The following ZNF704 variants were observed in gnomAD, a reference collection of about 807,000 sequenced individuals.
ZNF704 encodes the protein zinc finger protein 704.
Under a neutral mutation model 44.7 loss-of-function variants are expected in ZNF704, and 10 were observed. The ratio of observed to expected loss-of-function variants is 0.22; its 90% CI spans 0.14 to 0.38. The LOEUF (loss-of-function observed/expected upper bound fraction) is 0.38, where lower values mean the gene tolerates loss of function less well. Among genes scored for constraint, ZNF704 ranks in the 10% least tolerant of loss-of-function variants. The pLI, the probability that ZNF704 is intolerant of heterozygous loss-of-function variation, is 1.00. For synonymous variants in ZNF704, 211 were observed against 207.6 expected, an observed-to-expected ratio of 1.02 and a Z score of -0.14; for missense variants, 390 against 545.5, an observed-to-expected ratio of 0.71 and a Z score of 2.84.
At chr8:80,817,780 G>A (rs1808201079) in intron 2 of ZNF704, among the ~76,000 whole-genome samples, 1 of 152,070 alleles carries the variant, frequency 6.6e-6, no homozygotes, top group African/African-American at 2.4e-5. Flanking sequence ...AAAAAATTGG[G>A]CTTTTAAATA....
At chr8:80,743,410 C>T (rs553829973) in intron 2 of ZNF704, among the ~76,000 whole-genome samples, 3 of 151,866 alleles carry the variant, frequency 2.0e-5, no homozygotes, top group African/African-American at 4.8e-5. Context: ...CCACATGTAA[C>T]GATAAATAAA....
intron 2 of ZNF704, among the ~76,000 whole-genome samples, chr8:80,710,428 A>C (rs989866147): frequency 2.6e-5 from 4 of 152,142 alleles, no homozygotes; most frequent in African/African-American, 9.7e-5. Context: ...AAGTGAAGTA[A>C]GTGGTGGGGT....
intron 2 of ZNF704, among the ~76,000 whole-genome samples, chr8:80,727,294 G>A (rs1429323017): frequency 6.6e-6 from 1 of 152,114 alleles, no homozygotes; most frequent in Non-Finnish European, 1.5e-5. Context: ...ACCCAGCATC[G>A]GTTCAGTCAT....
At chr8:80,659,228 A>G (rs762201157) in intron 7 of ZNF704, among the ~76,000 whole-genome samples, 5 of 152,238 alleles carry the variant, frequency 3.3e-5, no homozygotes, top group Non-Finnish European at 7.3e-5. Flanking sequence ...TAAATTTTAT[A>G]GTTACTTATA....
intron 2 of ZNF704, among the ~76,000 whole-genome samples, chr8:80,787,622 CTTTTTT>C (rs747427722): frequency 5.3e-5 from 8 of 151,994 alleles, no homozygotes; most frequent in Non-Finnish European, 7.4e-5. Context: ...TTCTAGTTTT[CTTTTTT>C]AACAGTGAGG....
At chr8:80,705,600 T>TTG (rs560580852) in intron 2 of ZNF704, among the ~76,000 whole-genome samples, 6,910 of 150,926 alleles carry the variant, frequency 0.046, 531 homozygotes, top group African/African-American at 0.16. Flanking sequence ...GTGTATGCAT[T>TTG]TGTGTGTGTG....
At chr8:80,779,036 T>G (rs1411461244) in intron 2 of ZNF704, among the ~76,000 whole-genome samples, 1 of 152,142 alleles carries the variant, frequency 6.6e-6, no homozygotes, top group African/African-American at 2.4e-5. Context: ...GGATCACCCA[T>G]TACATTAGTT....
intron 2 of ZNF704, among the ~76,000 whole-genome samples, chr8:80,783,802 T>C (rs1250969681): frequency 1.3e-5 from 2 of 151,958 alleles, no homozygotes; most frequent in Non-Finnish European, 2.9e-5. Context: ...CTTCTAAGGG[T>C]TAATGACAGG....
At chr8:80,707,470 A>G (rs192085259) in intron 2 of ZNF704, among the ~76,000 whole-genome samples, 2 of 152,152 alleles carry the variant, frequency 1.3e-5, no homozygotes, top group Non-Finnish European at 1.5e-5. Flanking sequence ...GTATTCTTAT[A>G]ATATATCTAA....
intron 2 of ZNF704, among the ~76,000 whole-genome samples, chr8:80,790,442 GGTGT>G: frequency 6.6e-6 from 1 of 152,144 alleles, no homozygotes; most frequent in African/African-American, 2.4e-5. Context: ...GAGTGCAGAT[GGTGT>G]GTTAGAAAGG....
intron 1 of ZNF704, among the ~76,000 whole-genome samples, chr8:80,823,179 A>C (rs1808308592): frequency 2.0e-5 from 3 of 152,182 alleles, no homozygotes; most frequent in African/African-American, 2.4e-5. Flanking sequence ...AGCCAAGGGA[A>C]GCCGTGACAG....
chr8:80,801,234 C>T (rs1377695173), intron 2 of ZNF704, among the ~76,000 whole-genome samples: 1 of 152,102 alleles, frequency 6.6e-6, no homozygotes, highest in Non-Finnish European at 1.5e-5. Flanking sequence ...ACTTTAACAC[C>T]CCACTGACAA....
chr8:80,774,410 T>C (rs1344874056), intron 2 of ZNF704, among the ~76,000 whole-genome samples: 1 of 152,124 alleles, frequency 6.6e-6, no homozygotes, highest in Non-Finnish European at 1.5e-5. Context: ...GCCATGCCTC[T>C]GGCAAAGGAA....
rs1260953219 is a variant in ZNF704, at chr8:80,874,530, C to G, written c.-22+41G>C. 1 of 151,984 alleles carries G rather than the reference C, an allele frequency of 6.6e-6. No homozygotes were observed. Among genetic ancestry groups the G allele is most frequent in the Admixed American group, 6.5e-5 (1 of 15,272 alleles). 9.4% of individuals were successfully genotyped at this position (151,984 alleles called of 1,614,324 possible). A position where few individuals can be genotyped will look rare whatever the true frequency, so the allele number is the denominator to read the frequency against. On this transcript the variant is annotated intron_variant, in intron 1 of 8. Transcript: ENST00000327835. This position sits in a 1 kb window ranked among gnomAD's most constrained non-coding sequence, Gnocchi z 4.4. ...ATTCCTCACAACCCTCCGGTCCCCCCGCTCAGACAAAACCCGGACTGGATT... is the reference window on the plus strand; with the variant it reads ...ATTCCTCACAACCCTCCGGTCCCCCGGCTCAGACAAAACCCGGACTGGATT...
At chr8:80,787,788 TA>T (rs1329754885) in intron 2 of ZNF704, among the ~76,000 whole-genome samples, 1 of 152,142 alleles carries the variant, frequency 6.6e-6, no homozygotes, top group Non-Finnish European at 1.5e-5. Context: ...CCTTATAATT[TA>T]AAATGCCCCA....
rs143907908 is a variant in ZNF704 at position 80,786,665 on chromosome 8, C to T, written c.221+34709G>A. Among the ~76,000 whole-genome samples the T allele has an allele frequency of 3.9e-5, 6 of 152,232 alleles. No individual in the cohort carries two copies. In the East Asian group the frequency reaches 5.8e-4, roughly 15 times the overall value. On this transcript the variant is annotated intron_variant, in intron 2 of 8. Coordinates refer to ENST00000327835, the MANE Select transcript of ZNF704 (RefSeq NM_001033723.3). Reference sequence around the variant, plus strand: ...AAACTTTATCATAAAGAGAAATGTGCTGGTCTTGAAAAGTCATGAACTCTG... The same window carrying T: ...AAACTTTATCATAAAGAGAAATGTGTTGGTCTTGAAAAGTCATGAACTCTG...
chr8:80,765,182 T>A (rs940407776), intron 2 of ZNF704, among the ~76,000 whole-genome samples: 1 of 152,174 alleles, frequency 6.6e-6, no homozygotes, highest in African/African-American at 2.4e-5. Context: ...CTGGTGAGCC[T>A]AATGTTCTGG....
upstream of ZNF704, among the ~76,000 whole-genome samples, chr8:80,875,252 G>A (rs375287591): frequency 2.6e-5 from 4 of 152,014 alleles, no homozygotes; most frequent in Non-Finnish European, 5.9e-5. Context: ...CGTGGGGTTA[G>A]GCTATGTAGT....
At chr8:80,848,815 A>T (rs932767388) in intron 1 of ZNF704, among the ~76,000 whole-genome samples, 1 of 152,182 alleles carries the variant, frequency 6.6e-6, no homozygotes, top group African/African-American at 2.4e-5. Context: ...TTAAAAAAAA[A>T]AGAGATAGAT....
Sources: gnomAD v4.1 joint callset for allele counts (sites outside exome capture counted in the v4.1 genomes callset) on GRCh38, gnomAD v4.1.1 for gene constraint, Gnocchi (gnomAD v3.1) non-coding constraint, MANE v1.5 for transcripts, NCBI Gene and HGNC (gene_info 2026-07-23, HGNC 2026-07-21) for gene names.